The following LDLRAD4 variants were observed in gnomAD, a reference collection of about 807,000 sequenced individuals.
LDLRAD4 encodes low density lipoprotein receptor class A domain containing 4.
LDLRAD4 carries 5 observed loss-of-function variants against 17.0 expected under a neutral mutation model. The observed-to-expected ratio is 0.29, with a 90% CI of 0.15 to 0.62. The LOEUF (loss-of-function observed/expected upper bound fraction) is 0.62. LDLRAD4 is among the 20% of genes least tolerant of loss of function. LDLRAD4 has a pLI of 0.84. For synonymous variants in LDLRAD4, 168 were observed against 171.8 expected, an observed-to-expected ratio of 0.98 and a Z score of 0.17; for missense variants, 340 against 424.7, an observed-to-expected ratio of 0.80 and a Z score of 1.75.
intron 2 of LDLRAD4, among the ~76,000 whole-genome samples, chr18:13,389,354 A>G (rs1298923280): frequency 1.3e-5 from 2 of 151,730 alleles, no homozygotes; most frequent in East Asian, 3.9e-4. Context: ...AGGGGTGGGC[A>G]GCTCCCTCGT....
chr18:13,584,104 G>A (rs2094903676), intron 3 of LDLRAD4, among the ~76,000 whole-genome samples: 1 of 152,154 alleles, frequency 6.6e-6, no homozygotes, highest in Non-Finnish European at 1.5e-5. Flanking sequence ...CAGTGCTCTG[G>A]GGCCACAGGG....
At chr18:13,518,624 A>T (rs1189655606) in intron 3 of LDLRAD4, among the ~76,000 whole-genome samples, 1 of 152,184 alleles carries the variant, frequency 6.6e-6, no homozygotes, top group Admixed American at 6.5e-5. Context: ...AAGTGAGCTT[A>T]TAATTCTTAG....
At chr18:13,523,317 G>A (rs8099189) in intron 3 of LDLRAD4, among the ~76,000 whole-genome samples, 2 of 152,080 alleles carry the variant, frequency 1.3e-5, no homozygotes, top group Admixed American at 6.5e-5. Flanking sequence ...GAGTCTTTAG[G>A]GGGGACATGC....
intron 2 of LDLRAD4, among the ~76,000 whole-genome samples, chr18:13,412,165 A>G (rs982315987): frequency 6.6e-6 from 1 of 152,172 alleles, no homozygotes; most frequent in Non-Finnish European, 1.5e-5. Context: ...TGAAGTTAGT[A>G]TTTGCTCAGG....
chr18:13,454,719 GA>G (rs1414739860), intron 3 of LDLRAD4, among the ~76,000 whole-genome samples: 1 of 152,190 alleles, frequency 6.6e-6, no homozygotes, highest in Non-Finnish European at 1.5e-5. Flanking sequence ...CACAGGCACA[GA>G]TGAGCTGGGA....
chr18:13,606,136 A>C (rs1250994493), intron 3 of LDLRAD4, among the ~76,000 whole-genome samples: 3 of 152,180 alleles, frequency 2.0e-5, no homozygotes, highest in African/African-American at 7.2e-5. Context: ...AACCTAACAC[A>C]GGTGGCAGGG....
intron 3 of LDLRAD4, among the ~76,000 whole-genome samples, chr18:13,619,140 T>G (rs9303790): frequency 0.81 from 123,836 of 151,988 alleles, 51,224 homozygotes; most frequent in East Asian, 0.98. Flanking sequence ...TTGTACCAGT[T>G]AAGCCACTTA....
At chr18:13,614,368 A>C (rs760574378) in intron 3 of LDLRAD4, 43 of 152,200 alleles carry the variant, frequency 2.8e-4, no homozygotes, top group Non-Finnish European at 4.8e-4. Context: ...GGCTTAGGAA[A>C]GAGCTTTTAA....
intron 3 of LDLRAD4, among the ~76,000 whole-genome samples, chr18:13,508,825 T>C (rs547632860): frequency 6.6e-6 from 1 of 152,352 alleles, no homozygotes; most frequent in East Asian, 1.9e-4. Flanking sequence ...CTGTAGCCCA[T>C]GGATTGAGGA....
intron 3 of LDLRAD4, among the ~76,000 whole-genome samples, chr18:13,593,796 A>C (rs916396512): frequency 3.3e-5 from 5 of 151,876 alleles, no homozygotes; most frequent in Non-Finnish European, 7.4e-5. Context: ...TTGTTGACTT[A>C]TTTTAGAGAC....
chr18:13,349,087 C>T (rs2082886719), intron 1 of LDLRAD4, among the ~76,000 whole-genome samples: 1 of 152,346 alleles, frequency 6.6e-6, no homozygotes, highest in South Asian at 2.1e-4. Flanking sequence ...TGTCCTGCAC[C>T]CACTGTCCGA....
chr18:13,612,619 A>G, intron 3 of LDLRAD4: 2 of 1,595,516 alleles, frequency 1.3e-6, no homozygotes, highest in Non-Finnish European at 1.7e-6. Context: ...AGCTGCCTGG[A>G]GAGGAGATTG....
intron 3 of LDLRAD4, among the ~76,000 whole-genome samples, chr18:13,566,356 C>T (rs7228731): frequency 0.18 from 26,643 of 144,542 alleles, 2,571 homozygotes; most frequent in East Asian, 0.34. Context: ...CAATAAAGAG[C>T]ATGCCTTAGA....
intron 3 of LDLRAD4, among the ~76,000 whole-genome samples, chr18:13,539,354 G>A (rs916416040): frequency 6.6e-6 from 1 of 152,144 alleles, no homozygotes; most frequent in African/African-American, 2.4e-5. Context: ...GTCCCTAAAC[G>A]TAGCTCAATT....
intron 1 of LDLRAD4, among the ~76,000 whole-genome samples, chr18:13,364,982 T>C (rs2083949000): frequency 6.6e-6 from 1 of 152,144 alleles, no homozygotes. Context: ...AGACACACCA[T>C]GAAAGCAGCT....
At chr18:13,554,863 C>T (rs2094468783) in intron 3 of LDLRAD4, among the ~76,000 whole-genome samples, 1 of 152,118 alleles carries the variant, frequency 6.6e-6, no homozygotes, top group African/African-American at 2.4e-5. Context: ...TCCACATGTA[C>T]AGCATGAAAG....
At chr18:13,571,511 G>T (rs889827360) in intron 3 of LDLRAD4, among the ~76,000 whole-genome samples, 4 of 152,188 alleles carry the variant, frequency 2.6e-5, no homozygotes, top group Admixed American at 1.3e-4. Context: ...TCCCCAGCAG[G>T]GTCAGAGAAA....
chr18:13,649,600 GCC>G (rs111902568), exon 6 of LDLRAD4: 2 of 153,166 alleles, frequency 1.3e-5, no homozygotes, highest in African/African-American at 4.8e-5. Context: ...AGGGAGCCCG[GCC>G]CCCCATGCAG....
At chr18:13,650,544 C>T in exon 6 of LDLRAD4, 1 of 395,912 alleles carries the variant, frequency 2.5e-6, no homozygotes, top group African/African-American at 2.1e-5. Context: ...AGGAACCAAG[C>T]CGCCCCCTCC....
Sources: allele counts gnomAD v4.1 joint callset (sites outside exome capture counted in the v4.1 genomes callset), GRCh38; gene constraint gnomAD v4.1.1; transcripts MANE v1.5; gene names NCBI Gene and HGNC (gene_info 2026-07-23, HGNC 2026-07-21).